PACRG: variants seen among roughly 807,000 people sequenced by gnomAD.
The protein encoded by PACRG is parkin coregulated.
A neutral mutation model predicts 29.7 loss-of-function variants in PACRG; 29 were observed. The ratio of observed to expected loss-of-function variants is 0.98; its 90% CI spans 0.73 to 1.33. The LOEUF (loss-of-function observed/expected upper bound fraction) is 1.33. Among genes scored for constraint, PACRG ranks in the 40% most tolerant of loss-of-function variants. PACRG has a pLI of 0.00. For missense variants in PACRG, 279 were observed against 316.2 expected, an observed-to-expected ratio of 0.88 and a Z score of 0.89; for synonymous variants, 116 against 118.7, an observed-to-expected ratio of 0.98 and a Z score of 0.15.
chr6:162,854,432 A>G (rs941258281), intron 2 of PACRG, among the ~76,000 whole-genome samples: 1 of 152,224 alleles, frequency 6.6e-6, no homozygotes, highest in African/African-American at 2.4e-5. Context: ...ACTTTGCTCC[A>G]GGAATTAGAG....
chr6:163,026,254 T>C (rs1441500960), intron 2 of PACRG, among the ~76,000 whole-genome samples: 1 of 152,246 alleles, frequency 6.6e-6, no homozygotes, highest in Admixed American at 6.5e-5. Context: ...GGAAAAATTA[T>C]ATGCATTTAG....
At chr6:162,878,172 T>C (rs1053486010) in intron 2 of PACRG, among the ~76,000 whole-genome samples, 8 of 152,212 alleles carry the variant, frequency 5.3e-5, no homozygotes, top group African/African-American at 1.9e-4. Flanking sequence ...CAAGTGTAAG[T>C]GTGAGATGCA....
chr6:163,104,099 C>A (rs1815252222), intron 4 of PACRG, among the ~76,000 whole-genome samples: 1 of 152,294 alleles, frequency 6.6e-6, no homozygotes, highest in South Asian at 2.1e-4. Flanking sequence ...GCTGGTAGAT[C>A]AAAGTAGCTG....
chr6:163,067,191 C>G (rs183852243), intron 3 of PACRG, among the ~76,000 whole-genome samples: 16 of 152,312 alleles, frequency 1.1e-4, no homozygotes, highest in Admixed American at 8.5e-4. Context: ...TGGTAAAATG[C>G]AGGCTCCAGA....
At chr6:162,944,714 G>T (rs1205385974) in intron 2 of PACRG, among the ~76,000 whole-genome samples, 1 of 151,916 alleles carries the variant, frequency 6.6e-6, no homozygotes, top group African/African-American at 2.4e-5. Flanking sequence ...CAGTAGACTA[G>T]ATCAAACAGA....
chr6:162,838,592 A>AT (rs1354222799), intron 2 of PACRG, among the ~76,000 whole-genome samples: 36 of 151,058 alleles, frequency 2.4e-4, no homozygotes, highest in South Asian at 1.9e-3. Flanking sequence ...TATTAACATC[A>AT]TTTTTTTTTA....
chr6:163,218,956 C>A (rs902561555), intron 4 of PACRG, among the ~76,000 whole-genome samples: 1 of 152,228 alleles, frequency 6.6e-6, no homozygotes, highest in African/African-American at 2.4e-5. Flanking sequence ...TATCCTCCAA[C>A]GCACAGGACA....
intron 2 of PACRG, among the ~76,000 whole-genome samples, chr6:162,816,609 C>T (rs1346482439): frequency 6.6e-6 from 1 of 152,182 alleles, no homozygotes; most frequent in African/African-American, 2.4e-5. Context: ...GTCTCAGCTT[C>T]CCAAAGTGCT....
intron 4 of PACRG, chr6:163,165,911 G>A (rs1585285165): frequency 2.8e-6 from 1 of 360,168 alleles, no homozygotes; most frequent in East Asian, 7.4e-5. Flanking sequence ...TGCATCTAAG[G>A]CACCATTAGC....
intron 2 of PACRG, among the ~76,000 whole-genome samples, chr6:162,852,517 T>C (rs558692995): frequency 2.7e-4 from 41 of 152,346 alleles, no homozygotes; most frequent in South Asian, 2.3e-3. Flanking sequence ...GGGACCTACC[T>C]TGCATGAAAA....
chr6:163,066,880 A>G (rs771130705), intron 3 of PACRG, among the ~76,000 whole-genome samples: 2 of 152,272 alleles, frequency 1.3e-5, no homozygotes, highest in Non-Finnish European at 2.9e-5. Flanking sequence ...AATTGTAAAG[A>G]GTTTTCAAGT....
At chr6:163,018,507 G>A (rs958373124) in intron 2 of PACRG, among the ~76,000 whole-genome samples, 2 of 152,144 alleles carry the variant, frequency 1.3e-5, no homozygotes, top group Non-Finnish European at 2.9e-5. Flanking sequence ...AGTTATTATG[G>A]CTGAGTATAA....
chr6:162,890,419 C>G (rs1390788250), intron 2 of PACRG, among the ~76,000 whole-genome samples: 1 of 152,006 alleles, frequency 6.6e-6, no homozygotes, highest in African/African-American at 2.4e-5. Flanking sequence ...TTCAAATGCT[C>G]CATTAAAAAA....
At chr6:163,277,995 T>C (rs1346592913) in intron 4 of PACRG, among the ~76,000 whole-genome samples, 2 of 152,214 alleles carry the variant, frequency 1.3e-5, no homozygotes, top group Non-Finnish European at 1.5e-5. Context: ...CATACCAGCA[T>C]CTATTATTTT....
chr6:162,794,051 A>G (rs1785170049), intron 1 of PACRG, among the ~76,000 whole-genome samples: 1 of 152,170 alleles, frequency 6.6e-6, no homozygotes, highest in Non-Finnish European at 1.5e-5. Context: ...GGCAATGGTA[A>G]ATGGTTTCCA....
At chr6:162,900,068 G>A (rs148361361) in intron 2 of PACRG, among the ~76,000 whole-genome samples, 1 of 152,156 alleles carries the variant, frequency 6.6e-6, no homozygotes, top group Non-Finnish European at 1.5e-5. Flanking sequence ...TGGTCAGACC[G>A]GAACATCGTA....
intron 4 of PACRG, among the ~76,000 whole-genome samples, chr6:163,296,944 TC>T (rs1246351058): frequency 6.6e-6 from 1 of 152,208 alleles, no homozygotes; most frequent in African/African-American, 2.4e-5. Flanking sequence ...CCAGATAATT[TC>T]GAACTTAAGA....
intron 4 of PACRG, among the ~76,000 whole-genome samples, chr6:163,281,922 A>G: frequency 6.6e-6 from 1 of 152,338 alleles, no homozygotes; most frequent in African/African-American, 2.4e-5. Flanking sequence ...TAAATGTTCA[A>G]GATAAAATCA....
chr6:162,899,512 G>A (rs780752067), intron 2 of PACRG, among the ~76,000 whole-genome samples: 9 of 152,132 alleles, frequency 5.9e-5, no homozygotes, highest in Non-Finnish European at 1.2e-4. Context: ...CACCCCCACT[G>A]AGGACTGTGT....
Sources: allele counts gnomAD v4.1 joint callset (sites outside exome capture counted in the v4.1 genomes callset), GRCh38; gene constraint gnomAD v4.1.1; transcripts MANE v1.5; gene names NCBI Gene and HGNC (gene_info 2026-07-23, HGNC 2026-07-21).